FMN1: variants seen among roughly 807,000 people sequenced by gnomAD.
FMN1 encodes formin-1.
Under a neutral mutation model 132.4 loss-of-function variants are expected in FMN1, and 110 were observed. The ratio of observed to expected loss-of-function variants is 0.83; its 90% CI spans 0.71 to 0.97. The LOEUF is 0.97. Among genes scored for constraint, FMN1 ranks in the 50% least tolerant of loss-of-function variants. The pLI is 0.00. For missense variants in FMN1, 1,792 were observed against 1,705.3 expected (o/e 1.05, Z -0.90); for synonymous variants, 722 against 651.7 (o/e 1.11, Z -1.64).
chr15:33,018,671 C>T lies in FMN1; in HGVS notation c.2162-10596G>A, dbSNP rs147325693. ...CGGAATTGGTGTGTTCTTGGTCTCA[C>T]TGACTTCAAGAATGAAGCTGCGGAC... On this transcript the variant is annotated intron_variant, in intron 6 of 20. Coordinates refer to ENST00000616417, the MANE Select transcript of FMN1 (RefSeq NM_001277313.2). Among the ~76,000 whole-genome samples the T allele has an allele frequency of 7.1e-3, 1,087 of 152,312 alleles. 10 individuals are homozygous for T. The highest frequency in any genetic ancestry group is 0.024 in the African/African-American group (1,009 of 41,550).
At chr15:33,018,896 A>T (rs954802186) in intron 6 of FMN1, among the ~76,000 whole-genome samples, 3 of 152,156 alleles carry the variant, frequency 2.0e-5, no homozygotes, top group African/African-American at 7.2e-5. Flanking sequence ...GTGGGTTCGT[A>T]GTCTCACTGG....
chr15:32,923,972 G>A (rs992327860), intron 10 of FMN1, among the ~76,000 whole-genome samples: 10 of 149,728 alleles, frequency 6.7e-5, no homozygotes, highest in African/African-American at 2.5e-4. Context: ...ACCGTTCTGT[G>A]ATACCTGAAG....
intron 2 of FMN1, among the ~76,000 whole-genome samples, chr15:33,186,501 T>A (rs922837067): frequency 2.0e-5 from 3 of 151,564 alleles, no homozygotes; most frequent in South Asian, 2.1e-4. Flanking sequence ...AAAAAAAAAA[T>A]AAATAAAAGT....
rs376415190 is a variant in FMN1 at position 32,781,821 on chromosome 15, A to G, written c.4131-4902T>C. Among the ~76,000 whole-genome samples the G allele has an allele frequency of 1.1e-4, 16 of 152,326 alleles. No individual in the cohort carries two copies. In the East Asian group the frequency reaches 3.1e-3, roughly 29 times the overall value. On this transcript the variant is annotated intron_variant, in intron 19 of 20. Transcript: ENST00000616417. Reference sequence around the variant, plus strand: ...TACCACACCTAATAACATTGTTGCTATAAAAATTAAAGAAAATACTATATG... The same window carrying G: ...TACCACACCTAATAACATTGTTGCTGTAAAAATTAAAGAAAATACTATATG...
At chr15:33,019,243 T>G (rs1285034174) in intron 6 of FMN1, among the ~76,000 whole-genome samples, 1 of 152,160 alleles carries the variant, frequency 6.6e-6, no homozygotes, top group Admixed American at 6.5e-5. Context: ...CCCACTAGAT[T>G]AGCTAGATAC....
At chr15:33,091,566 T>C (rs1192099468) in intron 4 of FMN1, among the ~76,000 whole-genome samples, 1 of 152,178 alleles carries the variant, frequency 6.6e-6, no homozygotes, top group East Asian at 1.9e-4. Context: ...AAAAGGACCA[T>C]AAGTAACATA....
chr15:32,940,508 G>T (rs770816852), intron 9 of FMN1, among the ~76,000 whole-genome samples: 3 of 151,658 alleles, frequency 2.0e-5, no homozygotes, highest in Non-Finnish European at 4.4e-5. Flanking sequence ...CTACTCATAA[G>T]ATCAGTAACT....
At chr15:33,034,157 T>A (rs1003950449) in intron 6 of FMN1, among the ~76,000 whole-genome samples, 2 of 152,184 alleles carry the variant, frequency 1.3e-5, no homozygotes, top group Non-Finnish European at 2.9e-5. Context: ...TAAATCCAAA[T>A]GTCTGCTCAA....
chr15:33,082,040 T>G (rs1566899310), intron 5 of FMN1, among the ~76,000 whole-genome samples: 1 of 138,968 alleles, frequency 7.2e-6, no homozygotes, highest in Non-Finnish European at 1.6e-5. Context: ...TGTGTGTGTG[T>G]GTGTGTGTGT....
rs542662976 is a variant in FMN1, at chr15:32,819,756, A to G, written c.3929-15424T>C. Among the ~76,000 whole-genome samples the G allele has an allele frequency of 2.0e-5, 3 of 152,330 alleles. No individual in the cohort carries two copies. The East Asian group carries it at 5.8e-4, about 29-fold the overall frequency. On this transcript the variant is annotated intron_variant, in intron 17 of 20. Transcript: ENST00000616417. ...ATCTAACTTTATAAAAAAGAAAGAA[A>G]AAAAACCACTTCTCATTTTGACGAG...
Position 32,891,349 on chromosome 15 carries a change from G to A in FMN1, c.3715-3057C>T, listed in dbSNP as rs577257915. On this transcript the variant is annotated intron_variant, in intron 15 of 20. Coordinates refer to ENST00000616417, the MANE Select transcript of FMN1 (RefSeq NM_001277313.2). ...TGCAGGCTCTACCTCCCGGGTTCAC[G>A]CCATTCTCCTGCCTCAGCCTCCCAA... 2.6e-5 allele frequency among the ~76,000 whole-genome samples: 4 copies of A among 152,288 alleles called. No individual in the cohort carries two copies. The East Asian group carries it at 5.8e-4, about 22-fold the overall frequency.
intron 19 of FMN1, among the ~76,000 whole-genome samples, chr15:32,786,810 C>G (rs1004741566): frequency 6.6e-6 from 1 of 152,220 alleles, no homozygotes; most frequent in Non-Finnish European, 1.5e-5. Flanking sequence ...CCAGCCATCC[C>G]TCCAACCACT....
At chr15:33,127,561 A>G (rs1963214604) in intron 4 of FMN1, among the ~76,000 whole-genome samples, 1 of 152,248 alleles carries the variant, frequency 6.6e-6, no homozygotes. Flanking sequence ...TGAACCTTTT[A>G]AAACAGAAAC....
intron 7 of FMN1, among the ~76,000 whole-genome samples, chr15:33,003,853 T>C (rs1467325066): frequency 6.6e-6 from 1 of 152,010 alleles, no homozygotes; most frequent in Non-Finnish European, 1.5e-5. Flanking sequence ...GAGATATAGA[T>C]CAATGGAACA....
chr15:33,065,104 G>A (rs1048356560), intron 5 of FMN1, 30 bp from the exon 6 acceptor site: 98 of 1,489,956 alleles, frequency 6.6e-5, no homozygotes, highest in Non-Finnish European at 8.6e-5. Flanking sequence ...ATAGTAAGTG[G>A]AATGTAGTCA....
chr15:33,072,922 C>CA (rs200705106), intron 5 of FMN1, among the ~76,000 whole-genome samples: 19,166 of 86,736 alleles, frequency 0.22, 2,170 homozygotes, highest in East Asian at 0.67. Context: ...GACTCCATCT[C>CA]AAAAAAAAAA....
At chr15:32,990,839 G>T (rs553745384) in intron 7 of FMN1, among the ~76,000 whole-genome samples, 1 of 152,136 alleles carries the variant, frequency 6.6e-6, no homozygotes, top group African/African-American at 2.4e-5. Flanking sequence ...GTCAAGCAAA[G>T]GGAGAAGCCC....
chr15:33,149,747 C>A (rs1387889747), intron 4 of FMN1: 13 of 977,220 alleles, frequency 1.3e-5, no homozygotes, highest in Middle Eastern at 5.3e-4. Context: ...TCTGTAGTAA[C>A]CTTAAATGGC....
chr15:32,893,275 C>G (rs539438713), intron 15 of FMN1, among the ~76,000 whole-genome samples: 1 of 152,242 alleles, frequency 6.6e-6, no homozygotes, highest in African/African-American at 2.4e-5. Context: ...ATCCTCACTA[C>G]AAAGCTCCAT....
Sources: allele counts gnomAD v4.1 joint callset (sites outside exome capture counted in the v4.1 genomes callset), GRCh38; gene constraint gnomAD v4.1.1; transcripts MANE v1.5; gene names NCBI Gene and HGNC (gene_info 2026-07-23, HGNC 2026-07-21).